The following TENM3 variants were observed in gnomAD, a reference collection of about 807,000 sequenced individuals.
The protein encoded by TENM3 is teneurin-3.
TENM3 carries 63 observed loss-of-function variants against 255.1 expected under a neutral mutation model. The observed-to-expected ratio is 0.25, with a 90% CI of 0.20 to 0.30. The LOEUF is 0.30. TENM3 is among the 10% of genes least tolerant of loss of function. TENM3 has a pLI of 1.00. For synonymous variants in TENM3, 1,306 were observed against 1,322.3 expected, an observed-to-expected ratio of 0.99 and a Z score of 0.27; for missense variants, 2,929 against 3,461.1, an observed-to-expected ratio of 0.85 and a Z score of 3.86.
the TENM3 span, among the ~76,000 whole-genome samples, chr4:182,102,413 A>G: frequency 6.6e-6 from 1 of 152,202 alleles, no homozygotes; most frequent in South Asian, 2.1e-4. Context: ...CAATTGATCC[A>G]TTAAGTGATC....
chr4:182,175,275 T>C (rs571974731), intron 1 of TENM3, among the ~76,000 whole-genome samples: 1 of 146,146 alleles, frequency 6.8e-6, no homozygotes, highest in African/African-American at 2.5e-5. Flanking sequence ...TTTACCTTTG[T>C]TACCTCAGGC....
intron 1 of TENM3, chr4:182,169,404 G>A (rs573565531): frequency 1.1e-5 from 5 of 435,994 alleles, no homozygotes; most frequent in East Asian, 1.4e-4. Flanking sequence ...AAATCTGCAC[G>A]AGGAAAAGAA....
At chr4:182,276,071 G>A (rs1263836754) in intron 1 of TENM3, among the ~76,000 whole-genome samples, 2 of 152,202 alleles carry the variant, frequency 1.3e-5, no homozygotes, top group African/African-American at 2.4e-5. Context: ...ACTGAGACCT[G>A]AGTAATGAGA....
chr4:182,510,557 A>G (rs75847731), intron 3 of TENM3, among the ~76,000 whole-genome samples: 11,625 of 152,246 alleles, frequency 0.076, 504 homozygotes, highest in East Asian at 0.11. Flanking sequence ...TCTCTTATAC[A>G]TACATGTAGC....
chr4:182,489,247 A>T (rs918486605), intron 3 of TENM3, among the ~76,000 whole-genome samples: 2 of 140,794 alleles, frequency 1.4e-5, no homozygotes, highest in Admixed American at 7.4e-5. Context: ...AATGTGCTCT[A>T]ATAAAGGGAA....
the TENM3 span, among the ~76,000 whole-genome samples, chr4:181,997,173 A>T: frequency 6.6e-6 from 1 of 152,182 alleles, no homozygotes; most frequent in African/African-American, 2.4e-5. Context: ...CACTTCAGAC[A>T]TCATGGACTT....
At chr4:181,577,023 A>G in the TENM3 span, among the ~76,000 whole-genome samples, 2 of 131,058 alleles carry the variant, frequency 1.5e-5, no homozygotes, top group Non-Finnish European at 3.1e-5. Flanking sequence ...AATATATGTA[A>G]TATGCAATAT....
At chr4:181,672,112 C>T in the TENM3 span, among the ~76,000 whole-genome samples, 1 of 152,126 alleles carries the variant, frequency 6.6e-6, no homozygotes, top group East Asian at 1.9e-4. Flanking sequence ...CAAATATGTA[C>T]TATCATGATA....
chr4:182,215,884 A>G (rs182810817), intron 1 of TENM3, among the ~76,000 whole-genome samples: 6 of 152,316 alleles, frequency 3.9e-5, no homozygotes, highest in African/African-American at 9.6e-5. Flanking sequence ...GGACTCCCCT[A>G]TGAAAACTCG....
intron 1 of TENM3, among the ~76,000 whole-genome samples, chr4:182,262,715 A>G (rs1238481573): frequency 7.2e-6 from 1 of 138,432 alleles, no homozygotes; most frequent in Non-Finnish European, 1.6e-5. Flanking sequence ...TTATTCCTTT[A>G]CTTTCTTTTT....
chr4:182,711,526 A>G (rs957445191), intron 12 of TENM3: 4 of 912,710 alleles, frequency 4.4e-6, no homozygotes, highest in Non-Finnish European at 5.2e-6. Context: ...GTCCCATGTG[A>G]CACTTCTGAA....
At chr4:181,768,645 A>C in the TENM3 span, among the ~76,000 whole-genome samples, 3 of 152,192 alleles carry the variant, frequency 2.0e-5, no homozygotes, top group South Asian at 6.2e-4. Context: ...TTATATGACA[A>C]AATGCTGTGC....
At chr4:181,717,915 G>A in the TENM3 span, among the ~76,000 whole-genome samples, 9 of 152,312 alleles carry the variant, frequency 5.9e-5, no homozygotes, top group East Asian at 1.5e-3. Context: ...CATGTGAATA[G>A]TGCAAGATTG....
chr4:182,458,974 A>G (rs1346813621), intron 3 of TENM3, among the ~76,000 whole-genome samples: 4 of 152,184 alleles, frequency 2.6e-5, no homozygotes, highest in Admixed American at 6.6e-5. Flanking sequence ...TACTTTTCCA[A>G]TGTTCCGTTA....
intron 8 of TENM3, among the ~76,000 whole-genome samples, 157 bp from the exon 9 acceptor site, chr4:182,680,091 A>G (rs570870745): frequency 6.6e-6 from 1 of 152,298 alleles, no homozygotes; most frequent in East Asian, 1.9e-4. Flanking sequence ...GGAGAGGAGA[A>G]TATGTCATGA....
At chr4:181,832,197 T>G in the TENM3 span, among the ~76,000 whole-genome samples, 1 of 152,038 alleles carries the variant, frequency 6.6e-6, no homozygotes, top group Admixed American at 6.5e-5. Flanking sequence ...TCCAATGTGT[T>G]TATGTTCTCC....
the TENM3 span, among the ~76,000 whole-genome samples, chr4:181,495,902 TAAAAAAAA>T: frequency 4.3e-5 from 5 of 116,880 alleles, no homozygotes; most frequent in Non-Finnish European, 8.5e-5. Context: ...AGAGACAAAT[TAAAAAAAA>T]AAAAAAAAAA....
At chr4:182,732,195 A>G (rs1414030299) in intron 16 of TENM3, among the ~76,000 whole-genome samples, 1 of 152,072 alleles carries the variant, frequency 6.6e-6, no homozygotes, top group Non-Finnish European at 1.5e-5. Flanking sequence ...AATCACTAAT[A>G]ATGTCTTTGT....
the TENM3 span, among the ~76,000 whole-genome samples, chr4:182,064,406 G>T: frequency 6.6e-6 from 1 of 151,866 alleles, no homozygotes; most frequent in African/African-American, 2.4e-5. Flanking sequence ...GTGAAACCCC[G>T]TCTCTACTAA....
Sources: gnomAD v4.1 joint callset for allele counts (sites outside exome capture counted in the v4.1 genomes callset) on GRCh38, gnomAD v4.1.1 for gene constraint, MANE v1.5 for transcripts, NCBI Gene and HGNC (gene_info 2026-07-23, HGNC 2026-07-21) for gene names.